Variants in CSMD1 observed in about 807,000 individuals in gnomAD.
CSMD1 encodes CUB and Sushi multiple domains 1, also known as CUB and sushi domain-containing protein 1.
Under a neutral mutation model 417.5 loss-of-function variants are expected in CSMD1, and 213 were observed. The observed-to-expected ratio is 0.51, with a 90% CI of 0.46 to 0.57. The LOEUF (loss-of-function observed/expected upper bound fraction) is 0.57, where lower values mean the gene tolerates loss of function less well. CSMD1 is among the 20% of genes least tolerant of loss of function. The pLI is 0.00. For missense variants in CSMD1, 6,923 were observed against 4,529.7 expected, an observed-to-expected ratio of 1.53 and a Z score of -15.17; for synonymous variants, 2,862 against 1,736.8, an observed-to-expected ratio of 1.65 and a Z score of -16.11.
rs372632381 is a variant in CSMD1 at position 3,540,525 on chromosome 8, G to A, written c.1344+34420C>T. The stretch of plus-strand genomic sequence containing the variant: ...AGCAATTACAACAAAAGTAAAAACT[G>A]ACAAATGGGATCTAATTAAAGTAAA... On this transcript the variant is annotated intron_variant, in intron 10 of 69. Transcript: ENST00000635120. Among the ~76,000 whole-genome samples, 174 of 152,262 alleles carry A rather than the reference G, an allele frequency of 1.1e-3. 1 individual carries two copies. Among genetic ancestry groups the A allele is most frequent in the African/African-American group, 4.1e-3 (169 of 41,540 alleles).
At chr8:3,864,660 T>C (rs1804958982) in intron 5 of CSMD1, among the ~76,000 whole-genome samples, 2 of 152,142 alleles carry the variant, frequency 1.3e-5, no homozygotes, top group East Asian at 1.9e-4. Flanking sequence ...GATGTTCCCC[T>C]GAAGAAGACA....
chr8:3,634,426 G>T (rs1033951255), intron 7 of CSMD1, among the ~76,000 whole-genome samples: 1 of 152,184 alleles, frequency 6.6e-6, no homozygotes, highest in African/African-American at 2.4e-5. Context: ...TGTGCGTGGG[G>T]TCACACGTCA....
chr8:2,941,116 A>G (rs2128912769), intron 69 of CSMD1, among the ~76,000 whole-genome samples: 1 of 152,312 alleles, frequency 6.6e-6, no homozygotes, highest in Non-Finnish European at 1.5e-5. Flanking sequence ...TCTTCCAAAA[A>G]ATTAACACAG....
chr8:3,486,491 G>A (rs1009981933), intron 11 of CSMD1, among the ~76,000 whole-genome samples: 2 of 152,130 alleles, frequency 1.3e-5, no homozygotes, highest in African/African-American at 4.8e-5. Context: ...GAGATTCCTG[G>A]GTCTTTTGGG....
intron 21 of CSMD1, among the ~76,000 whole-genome samples, chr8:3,358,871 A>T (rs191602410): frequency 2.6e-5 from 4 of 151,718 alleles, no homozygotes; most frequent in Admixed American, 6.6e-5. Flanking sequence ...GTATATATAT[A>T]TTTTTTCCCT....
rs76745052 is a variant in CSMD1 at position 3,307,834 on chromosome 8, C to T, written c.3824-13G>A. 0.015 allele frequency: 24,099 copies of T among 1,607,058 alleles called. 234 individuals carry two copies. The highest frequency in any genetic ancestry group is 0.018 in the Non-Finnish European group (21,173 of 1,177,622). On this transcript the variant is annotated splice_polypyrimidine_tract_variant and intron_variant, in intron 24 of 69. Coordinates refer to ENST00000635120, the MANE Select transcript of CSMD1 (RefSeq NM_033225.6). ...CCACCACATTCCGCTGTAGAAGACACAGAGAGATGGGAACGTTCAGCTTCA... is the reference window on the plus strand; with the variant it reads ...CCACCACATTCCGCTGTAGAAGACATAGAGAGATGGGAACGTTCAGCTTCA...
chr8:3,715,444 A>G lies in CSMD1; in HGVS notation c.932-6953T>C, dbSNP rs118174914. On this transcript the variant is annotated intron_variant, in intron 6 of 69. Transcript: ENST00000635120. ...TTCCGTCATTTTTCTCCTCTTCTGC[A>G]TGATCATTTTTTCTTTTCTGCATGA... 7.9e-3 allele frequency among the ~76,000 whole-genome samples: 1,204 copies of G among 152,248 alleles called. 8 individuals carry two copies. The highest frequency in any genetic ancestry group is 0.017 in the South Asian group (81 of 4,828).
At chr8:4,459,614 A>G (rs1799687870) in intron 2 of CSMD1, among the ~76,000 whole-genome samples, 1 of 152,212 alleles carries the variant, frequency 6.6e-6, no homozygotes, top group Admixed American at 6.5e-5. Context: ...AGAGAAGAAG[A>G]TCGCATTGTG....
chr8:2,962,535 G>C lies in CSMD1; in HGVS notation c.9559C>G (p.Leu3187Val), dbSNP rs540952937. The C allele has an allele frequency of 8.7e-6, 14 of 1,613,914 alleles. No individual in the cohort carries two copies. Among genetic ancestry groups the C allele is most frequent in the Admixed American group, 1.7e-5 (1 of 60,012 alleles). Reference sequence around the variant, plus strand: ...CAGACTCTTCTGGAGGATCCCACGAGTATAAATGGAGATTTGCACTGGAAG... The same window carrying C: ...CAGACTCTTCTGGAGGATCCCACGACTATAAATGGAGATTTGCACTGGAAG... ...VFFQCKSPFILVGSSRRVCQA... is the reference protein window; with the variant it reads ...VFFQCKSPFIVVGSSRRVCQA... The change falls in exon 61 of 70, where the codon CTC becomes GTC. Residue 3187 changes from leucine to valine, a missense_variant. Physicochemically the swap from Leu to Val is conservative, Grantham distance 32. Coordinates refer to ENST00000635120, the MANE Select transcript of CSMD1 (RefSeq NM_033225.6).
intron 5 of CSMD1, among the ~76,000 whole-genome samples, chr8:3,846,079 C>G (rs956559803): frequency 1.4e-5 from 2 of 138,186 alleles, no homozygotes; most frequent in Non-Finnish European, 3.3e-5. Flanking sequence ...AAATAATAAG[C>G]AGCAGTAGAC....
chr8:4,125,321 G>T (rs368635552), intron 3 of CSMD1, among the ~76,000 whole-genome samples: 1 of 152,168 alleles, frequency 6.6e-6, no homozygotes, highest in African/African-American at 2.4e-5. Flanking sequence ...AAGCTAATTA[G>T]AAACTCTAAA....
At chr8:3,761,347 G>C (rs59163027) in intron 5 of CSMD1, among the ~76,000 whole-genome samples, 3 of 151,906 alleles carry the variant, frequency 2.0e-5, no homozygotes, top group African/African-American at 7.3e-5. Context: ...AATATTTCTA[G>C]AAATTTAATT....
At chr8:4,111,509 G>A (rs921232894) in intron 3 of CSMD1, among the ~76,000 whole-genome samples, 7 of 152,150 alleles carry the variant, frequency 4.6e-5, no homozygotes, top group South Asian at 4.1e-4. Flanking sequence ...GCAAAGACAT[G>A]GAATCCACCC....
At chr8:4,361,016 A>C (rs185905771) in intron 3 of CSMD1, among the ~76,000 whole-genome samples, 77 of 152,314 alleles carry the variant, frequency 5.1e-4, no homozygotes, top group Admixed American at 2.4e-3. Context: ...AAAATAAAAT[A>C]TTTCTTAAAA....
At chr8:4,781,897 C>T (rs973323711) in intron 1 of CSMD1, among the ~76,000 whole-genome samples, 7 of 152,092 alleles carry the variant, frequency 4.6e-5, no homozygotes, top group Non-Finnish European at 1.0e-4. Flanking sequence ...ATACCACATA[C>T]CCAGCTAGTA....
chr8:3,288,649 C>T (rs1199048712), intron 25 of CSMD1, among the ~76,000 whole-genome samples: 1 of 146,806 alleles, frequency 6.8e-6, no homozygotes, highest in African/African-American at 2.7e-5. Flanking sequence ...GGTGATATCC[C>T]TTTTATCATT....
At chr8:4,007,007 T>G (rs1191735384) in intron 4 of CSMD1, among the ~76,000 whole-genome samples, 1 of 151,804 alleles carries the variant, frequency 6.6e-6, no homozygotes, top group Non-Finnish European at 1.5e-5. Context: ...TTTGTGTGTA[T>G]GTGTGTATTT....
chr8:4,119,579 G>C (rs1303821495), intron 3 of CSMD1, among the ~76,000 whole-genome samples: 1 of 88,212 alleles, frequency 1.1e-5, no homozygotes, highest in South Asian at 5.3e-4. Flanking sequence ...GAGGATAATA[G>C]TAGTGTTCTT....
chr8:4,548,720 A>C (rs1006000142), intron 2 of CSMD1, among the ~76,000 whole-genome samples: 1 of 152,110 alleles, frequency 6.6e-6, no homozygotes, highest in Non-Finnish European at 1.5e-5. Context: ...ACTGATCTCC[A>C]GTTGTCAAGG....
Sources: gnomAD v4.1 joint callset for allele counts (sites outside exome capture counted in the v4.1 genomes callset) on GRCh38, gnomAD v4.1.1 for gene constraint, MANE v1.5 for transcripts, NCBI Gene and HGNC (gene_info 2026-07-23, HGNC 2026-07-21) for gene names.